DAB1: variants seen among roughly 807,000 people sequenced by gnomAD.
DAB1 encodes disabled homolog 1.
A neutral mutation model predicts 64.6 loss-of-function variants in DAB1; 15 were observed. The ratio of observed to expected loss-of-function variants is 0.23; its 90% CI spans 0.16 to 0.36. DAB1 has a LOEUF of 0.36. DAB1 is among the 10% of genes least tolerant of loss of function. The probability of loss-of-function intolerance (pLI) is 1.00; values close to 1 mark genes in which losing one functional copy is unlikely to be tolerated. For synonymous variants in DAB1, 235 were observed against 251.9 expected, an observed-to-expected ratio of 0.93 and a Z score of 0.64; for missense variants, 596 against 706.7, an observed-to-expected ratio of 0.84 and a Z score of 1.78.
At chr1:57,486,886 G>A (rs1330521254) in intron 7 of DAB1, among the ~76,000 whole-genome samples, 1 of 150,624 alleles carries the variant, frequency 6.6e-6, no homozygotes, top group South Asian at 2.1e-4. Context: ...AGAAAGAAAA[G>A]AAGACAGGTC....
chr1:58,429,642 G>C (rs575228449), intron 3 of DAB1, among the ~76,000 whole-genome samples: 2 of 152,172 alleles, frequency 1.3e-5, no homozygotes, highest in African/African-American at 2.4e-5. Flanking sequence ...TAGATAGAGA[G>C]AGAGAAAGCA....
At chr1:58,030,387 A>G (rs558610785) in intron 5 of DAB1, among the ~76,000 whole-genome samples, 1 of 152,160 alleles carries the variant, frequency 6.6e-6, no homozygotes, top group Non-Finnish European at 1.5e-5. Context: ...ACAAGCATAT[A>G]CTATTATTTT....
intron 5 of DAB1, among the ~76,000 whole-genome samples, chr1:58,077,374 A>G (rs1353731989): frequency 6.6e-6 from 1 of 152,198 alleles, no homozygotes; most frequent in East Asian, 1.9e-4. Context: ...ATCCACAGCA[A>G]GCCGAGAAAC....
intron 5 of DAB1, among the ~76,000 whole-genome samples, chr1:57,956,415 A>T (rs7514762): frequency 0.012 from 1,783 of 152,308 alleles, 35 homozygotes; most frequent in African/African-American, 0.041. Context: ...CAGCCAAACC[A>T]AGGTGAGCCC....
chr1:58,122,131 T>A (rs1174897705), intron 5 of DAB1, among the ~76,000 whole-genome samples: 1 of 152,186 alleles, frequency 6.6e-6, no homozygotes, highest in Non-Finnish European at 1.5e-5. Flanking sequence ...CTGTTTATTG[T>A]ACCATACCAT....
At chr1:57,986,864 G>A (rs1338534258) in intron 5 of DAB1, among the ~76,000 whole-genome samples, 1 of 152,028 alleles carries the variant, frequency 6.6e-6, no homozygotes, top group South Asian at 2.1e-4. Flanking sequence ...TTACAGGCTG[G>A]ACCCTGGGCC....
At chr1:57,276,654 G>C (rs978865380) in intron 2 of DAB1, among the ~76,000 whole-genome samples, 3 of 152,114 alleles carry the variant, frequency 2.0e-5, no homozygotes, top group African/African-American at 7.2e-5. Context: ...TTCACAAGTG[G>C]GGGTTTACAG....
chr1:57,429,920 A>G (rs1685435668), intron 7 of DAB1, among the ~76,000 whole-genome samples: 1 of 152,286 alleles, frequency 6.6e-6, no homozygotes, highest in South Asian at 2.1e-4. Context: ...ATCAGGTAGT[A>G]TGATGCCTCT....
At chr1:58,506,023 TA>T (rs1370330836) in intron 3 of DAB1, 11 of 814,914 alleles carry the variant, frequency 1.3e-5, no homozygotes, top group Non-Finnish European at 2.4e-5. Flanking sequence ...AATGATACAG[TA>T]AAAATAATGT....
intron 3 of DAB1, among the ~76,000 whole-genome samples, chr1:58,449,260 A>G (rs1434997498): frequency 6.6e-6 from 1 of 152,214 alleles, no homozygotes; most frequent in Non-Finnish European, 1.5e-5. Context: ...GGTCAATCTC[A>G]GGACTTGGGT....
At chr1:58,110,564 C>T (rs1651916680) in intron 5 of DAB1, among the ~76,000 whole-genome samples, 1 of 152,136 alleles carries the variant, frequency 6.6e-6, no homozygotes, top group Non-Finnish European at 1.5e-5. Flanking sequence ...GAAATTGAGG[C>T]CAGAGAAGTT....
chr1:57,042,660 T>C (rs867168449), intron 9 of DAB1, among the ~76,000 whole-genome samples: 17 of 152,228 alleles, frequency 1.1e-4, no homozygotes, highest in African/African-American at 3.4e-4. Flanking sequence ...AAGGAAATTA[T>C]ATTGAATTGA....
At chr1:57,011,433 G>T (rs1008242277) in intron 12 of DAB1, among the ~76,000 whole-genome samples, 161 bp from the exon 13 acceptor site, 4 of 152,122 alleles carry the variant, frequency 2.6e-5, no homozygotes, top group Non-Finnish European at 5.9e-5. Flanking sequence ...CTCTCTGTAC[G>T]TATTGATCTT....
chr1:57,019,943 A>C (rs1431095025), intron 11 of DAB1, among the ~76,000 whole-genome samples: 1 of 152,244 alleles, frequency 6.6e-6, no homozygotes, highest in Non-Finnish European at 1.5e-5. Flanking sequence ...GAAATATAAG[A>C]AAAGCACTAA....
Position 58,357,636 on chromosome 1 carries a change from G to T in DAB1, n.258-14233C>A, listed in dbSNP as rs890574775. Among the ~76,000 whole-genome samples, 20 of 152,302 alleles carry T rather than the reference G, an allele frequency of 1.3e-4. 1 individual carries two copies. The highest frequency in any genetic ancestry group is 1.0e-3 in the South Asian group (5 of 4,822). ...ATGGTAAGACTTTCTGAAACAGCAT[G>T]TTAATGGCATTCGAATCACCTGGGG... is the stretch of plus-strand genomic sequence containing the variant. On this transcript the variant is annotated intron_variant and non_coding_transcript_variant, in intron 3 of 20. Coordinates refer to the DAB1 transcript ENST00000485760.
intron 7 of DAB1, among the ~76,000 whole-genome samples, chr1:57,612,759 T>C (rs1645743691): frequency 6.6e-6 from 1 of 152,192 alleles, no homozygotes; most frequent in Non-Finnish European, 1.5e-5. Flanking sequence ...AGTATTTTGC[T>C]ATAGTGACCA....
chr1:57,071,275 T>G (rs982164365), intron 6 of DAB1: 8 of 650,276 alleles, frequency 1.2e-5, no homozygotes, highest in Middle Eastern at 4.2e-4. Flanking sequence ...GCAATTGTGT[T>G]TCTTGGGTCC....
At chr1:57,307,691 TC>T (rs1274091171) in intron 1 of DAB1, among the ~76,000 whole-genome samples, 1 of 151,982 alleles carries the variant, frequency 6.6e-6, no homozygotes, top group Non-Finnish European at 1.5e-5. Context: ...CACATCCCCT[TC>T]CCTGTCTGTT....
intron 3 of DAB1, among the ~76,000 whole-genome samples, chr1:57,142,131 G>C (rs1454880672): frequency 6.6e-6 from 1 of 152,130 alleles, no homozygotes; most frequent in Admixed American, 6.6e-5. Flanking sequence ...TGATCATGAT[G>C]CTTTGTTGGT....
Sources: gnomAD v4.1 joint callset for allele counts (sites outside exome capture counted in the v4.1 genomes callset) on GRCh38, gnomAD v4.1.1 for gene constraint, MANE v1.5 for transcripts, NCBI Gene and HGNC (gene_info 2026-07-23, HGNC 2026-07-21) for gene names.